ARHGAP10: variants seen among roughly 807,000 people sequenced by gnomAD.
ARHGAP10 encodes Rho GTPase activating protein 10, also known as rho GTPase-activating protein 10.
In ARHGAP10, 87 loss-of-function variants were observed where a neutral mutation model predicts 108.6. That is an observed-to-expected ratio of 0.80 (90% confidence interval 0.67 to 0.96). ARHGAP10 has a LOEUF of 0.96. Ranked by LOEUF, ARHGAP10 falls within the 40% of genes least tolerant of loss-of-function variation. ARHGAP10 has a pLI of 0.00. For synonymous variants in ARHGAP10, 347 were observed against 341.1 expected, an observed-to-expected ratio of 1.02 and a Z score of -0.19; for missense variants, 939 against 954.5, an observed-to-expected ratio of 0.98 and a Z score of 0.21.
At chr4:147,754,948 A>C (rs1220655591) in intron 1 of ARHGAP10, among the ~76,000 whole-genome samples, 1 of 151,988 alleles carries the variant, frequency 6.6e-6, no homozygotes, top group East Asian at 1.9e-4. Context: ...TGCAAAAATT[A>C]GCGGACGCCT....
At chr4:147,966,655 A>T (rs770912002) in intron 17 of ARHGAP10, 25 bp from the exon 18 acceptor site, 20 of 1,524,946 alleles carry the variant, frequency 1.3e-5, no homozygotes, top group Admixed American at 3.8e-5. Flanking sequence ...GGTTAAACAG[A>T]TTCCTCCCCC....
intron 1 of ARHGAP10, among the ~76,000 whole-genome samples, chr4:147,746,452 A>T (rs1578994288): frequency 7.0e-6 from 1 of 142,418 alleles, no homozygotes; most frequent in Middle Eastern, 4.3e-3. Context: ...CCAGGCTGGA[A>T]TGCAGCGGCG....
intron 1 of ARHGAP10, among the ~76,000 whole-genome samples, chr4:147,809,606 C>T (rs1273351923): frequency 1.3e-5 from 2 of 152,200 alleles, no homozygotes; most frequent in Non-Finnish European, 2.9e-5. Flanking sequence ...TTGTGAGCCC[C>T]ACTCTGACTT....
At chr4:147,748,803 A>T (rs1323879153) in intron 1 of ARHGAP10, among the ~76,000 whole-genome samples, 2 of 151,934 alleles carry the variant, frequency 1.3e-5, no homozygotes, top group Non-Finnish European at 2.9e-5. Context: ...CCTATTTCTA[A>T]AAACAGGGTT....
intron 4 of ARHGAP10, among the ~76,000 whole-genome samples, chr4:147,855,714 A>T (rs986301947): frequency 1.1e-4 from 15 of 136,884 alleles, no homozygotes; most frequent in Admixed American, 2.3e-4. Context: ...TAAGTTGTGC[A>T]GCTAGTTGGT....
intron 3 of ARHGAP10, among the ~76,000 whole-genome samples, chr4:147,842,744 C>T (rs943789728): frequency 5.3e-5 from 8 of 152,182 alleles, no homozygotes; most frequent in Non-Finnish European, 1.0e-4. Flanking sequence ...AGAAGCTCTG[C>T]GCAGCTTGCC....
chr4:147,915,453 C>A (rs957174811), intron 13 of ARHGAP10, among the ~76,000 whole-genome samples: 5 of 152,140 alleles, frequency 3.3e-5, no homozygotes, highest in African/African-American at 1.2e-4. Context: ...TGGATAAATT[C>A]TTTCCCAAAA....
At chr4:148,050,365 CTTTTTTTTTTTTTTT>C (rs11309245) in intron 20 of ARHGAP10, among the ~76,000 whole-genome samples, 2 of 59,300 alleles carry the variant, frequency 3.4e-5, no homozygotes, top group African/African-American at 1.1e-4. Flanking sequence ...TCATCATCAT[CTTTTTTTTTTTTTTT>C]TTTTTTTTTT....
At position 148,039,368 on chromosome 4, in the gene ARHGAP10, A is replaced by ATTTTTTTTTTTTTTTTTTTTTTTT. The variant is rs34876546; in HGVS notation, c.1868-7518_1868-7495dup. On this transcript the variant is annotated intron_variant, in intron 19 of 22. Transcript: ENST00000336498. ...TTAATACTTTAAGAATACTACTTCA[A>ATTTTTTTTTTTTTTTTTTTTTTTT]TTTTTTTTTTTTTTTTTTTTTTTTT... Among the ~76,000 whole-genome samples the ATTTTTTTTTTTTTTTTTTTTTTTT allele has an allele frequency of 1.2e-4, 9 of 73,090 alleles. 1 individual carries two copies. The highest frequency in any genetic ancestry group is 1.1e-3 in the South Asian group (2 of 1,830). 47.9% of individuals were successfully genotyped at this position (73,090 alleles called of 152,430 possible). A position where few individuals can be genotyped will look rare whatever the true frequency, so the allele number is the denominator to read the frequency against.
chr4:148,067,179 G>A (rs1200798602), intron 22 of ARHGAP10, among the ~76,000 whole-genome samples: 2 of 152,234 alleles, frequency 1.3e-5, no homozygotes, highest in Non-Finnish European at 2.9e-5. Context: ...TTTTGCAGCA[G>A]GGCAGATAAT....
intron 13 of ARHGAP10, chr4:147,916,476 T>A (rs1272559230): frequency 6.6e-6 from 1 of 152,254 alleles, no homozygotes; most frequent in Non-Finnish European, 1.5e-5. Context: ...GGAAAAAGTT[T>A]TTAGCTTTGA....
At chr4:148,037,648 A>G (rs890768411) in intron 19 of ARHGAP10, among the ~76,000 whole-genome samples, 10 of 152,168 alleles carry the variant, frequency 6.6e-5, no homozygotes, top group Non-Finnish European at 1.3e-4. Context: ...CATCCTGGCC[A>G]ACATGGTGAA....
chr4:147,915,041 C>T (rs762515001), intron 13 of ARHGAP10, among the ~76,000 whole-genome samples: 15 of 152,072 alleles, frequency 9.9e-5, no homozygotes, highest in Non-Finnish European at 1.5e-4. Flanking sequence ...TATTCCAGTC[C>T]GACTTTGGAT....
At chr4:147,756,723 T>C (rs60146389) in intron 1 of ARHGAP10, among the ~76,000 whole-genome samples, 3,058 of 152,206 alleles carry the variant, frequency 0.02, 87 homozygotes, top group African/African-American at 0.068. Context: ...TTTTAGGCAT[T>C]CACTGGGGAT....
At chr4:147,855,383 A>G (rs1283564312) in intron 4 of ARHGAP10, among the ~76,000 whole-genome samples, 1 of 152,016 alleles carries the variant, frequency 6.6e-6, no homozygotes, top group Non-Finnish European at 1.5e-5. Flanking sequence ...AAAATAGTGG[A>G]AGAGCATAAT....
At chr4:147,872,068 C>T (rs1936699303) in intron 7 of ARHGAP10, among the ~76,000 whole-genome samples, 1 of 147,752 alleles carries the variant, frequency 6.8e-6, no homozygotes, top group East Asian at 2.0e-4. Flanking sequence ...TGTCACTTTA[C>T]TCCAGCCTGA....
intron 8 of ARHGAP10, 31 bp downstream of exon 8, chr4:147,875,181 C>G: frequency 6.5e-7 from 1 of 1,529,546 alleles, no homozygotes; most frequent in Non-Finnish European, 8.7e-7. Context: ...GGCTGCGTGG[C>G]TGCTTAAAAA....
chr4:147,833,499 A>C (rs1228604837), intron 3 of ARHGAP10, among the ~76,000 whole-genome samples: 1 of 152,206 alleles, frequency 6.6e-6, no homozygotes, highest in East Asian at 1.9e-4. Context: ...TCAAGCAGTA[A>C]CTTCATAGCA....
chr4:148,064,820 T>A (rs1729793470), intron 22 of ARHGAP10, among the ~76,000 whole-genome samples: 2 of 152,244 alleles, frequency 1.3e-5, no homozygotes, highest in Non-Finnish European at 2.9e-5. Context: ...ATGTTTCTGA[T>A]TTGCACACTT....
Sources: allele counts gnomAD v4.1 joint callset (sites outside exome capture counted in the v4.1 genomes callset), GRCh38; gene constraint gnomAD v4.1.1; transcripts MANE v1.5; gene names NCBI Gene and HGNC (gene_info 2026-07-23, HGNC 2026-07-21).